The following KPNB1 variants were observed in gnomAD, a reference collection of about 807,000 sequenced individuals.
The protein encoded by KPNB1 is karyopherin subunit beta 1, also known as importin subunit beta-1.
In KPNB1, 7 loss-of-function variants were observed where a neutral mutation model predicts 113.0. The ratio of observed to expected loss-of-function variants is 0.06; its 90% confidence interval spans 0.04 to 0.12. The LOEUF is 0.12. KPNB1 is among the 10% of genes least tolerant of loss of function. KPNB1 has a pLI of 1.00. For missense variants in KPNB1, 400 were observed against 1,054.8 expected (o/e 0.38, Z 8.60); for synonymous variants, 363 against 378.6 (o/e 0.96, Z 0.48).
At chr17:47,660,272 G>T (rs867580813) in intron 5 of KPNB1, among the ~76,000 whole-genome samples, 4 of 152,216 alleles carry the variant, frequency 2.6e-5, no homozygotes, top group Middle Eastern at 3.4e-3. Flanking sequence ...TCATCTAAGG[G>T]GTAGCATTTG....
chr17:47,680,739 A>C, intron 21 of KPNB1, 70 bp downstream of exon 21: 2 of 1,484,906 alleles, frequency 1.3e-6, no homozygotes, highest in Non-Finnish European at 1.8e-6. Flanking sequence ...TCTTTAGGCC[A>C]TTCTGGCAAG....
chr17:47,680,244 G>C, intron 20 of KPNB1, 110 bp downstream of exon 20: 1 of 832,672 alleles, frequency 1.2e-6, no homozygotes, highest in Non-Finnish European at 2.0e-6. Context: ...TCACTTTTTT[G>C]GCACAGAGAT....
chr17:47,664,290 A>G, intron 8 of KPNB1, 21 bp downstream of exon 8: 1 of 1,397,526 alleles, frequency 7.2e-7, no homozygotes, highest in Non-Finnish European at 1.0e-6. Context: ...GAGAACTATT[A>G]CTCTGAATAC....
intron 5 of KPNB1, 59 bp downstream of exon 5, chr17:47,658,719 A>G: frequency 1.4e-6 from 2 of 1,472,248 alleles, no homozygotes; most frequent in Non-Finnish European, 1.8e-6. Flanking sequence ...GAGTTGAATG[A>G]AAGTTTTTTG....
At chr17:47,675,358 G>GTTGTTTTTGT (rs1179094151) in intron 15 of KPNB1, among the ~76,000 whole-genome samples, 1 of 88,812 alleles carries the variant, frequency 1.1e-5, no homozygotes, top group African/African-American at 4.3e-5. Context: ...TGGCAGAGGT[G>GTTGTTTTTGT]TTGTTTTTTT....
chr17:47,657,094 C>T, intron 4 of KPNB1, 34 bp downstream of exon 4: 4 of 1,534,084 alleles, frequency 2.6e-6, no homozygotes, highest in Non-Finnish European at 2.7e-6. Flanking sequence ...GGTTTATATA[C>T]CTCTGATTGC....
chr17:47,667,436 T>C (rs1313584628), intron 9 of KPNB1, among the ~76,000 whole-genome samples: 3 of 150,894 alleles, frequency 2.0e-5, no homozygotes, highest in African/African-American at 7.3e-5. Flanking sequence ...CTTGCCTCTT[T>C]TTTGAACTTT....
intron 21 of KPNB1, among the ~76,000 whole-genome samples, chr17:47,681,489 G>A (rs998027414): frequency 6.6e-6 from 1 of 151,514 alleles, no homozygotes; most frequent in African/African-American, 2.4e-5. Flanking sequence ...GGCCAGGCTG[G>A]TCTTGACCTC....
At chr17:47,667,071 A>C (rs968903719) in intron 9 of KPNB1, among the ~76,000 whole-genome samples, 3 of 152,060 alleles carry the variant, frequency 2.0e-5, no homozygotes, top group Non-Finnish European at 4.4e-5. Flanking sequence ...ACTTAAGAGG[A>C]GATATTAGTG....
chr17:47,679,010 C>G (rs562218491), intron 19 of KPNB1, among the ~76,000 whole-genome samples: 3 of 152,252 alleles, frequency 2.0e-5, no homozygotes, highest in South Asian at 2.1e-4. Flanking sequence ...GTCTTCACTT[C>G]CTGGGTTCAA....
chr17:47,670,396 A>T (rs1360794112), intron 11 of KPNB1: 1 of 256,916 alleles, frequency 3.9e-6, no homozygotes, highest in Non-Finnish European at 7.6e-6. Flanking sequence ...ATCAAACAGG[A>T]TGATGAGAGA....
intron 12 of KPNB1, among the ~76,000 whole-genome samples, chr17:47,672,187 G>T (rs749734666): frequency 2.3e-4 from 35 of 152,110 alleles, no homozygotes; most frequent in Non-Finnish European, 3.5e-4. Flanking sequence ...TGTATTTTTA[G>T]TAGAGATGGG....
intron 12 of KPNB1, 57 bp from the exon 13 acceptor site, chr17:47,672,961 T>C (rs997534411): frequency 2.0e-6 from 3 of 1,532,690 alleles, no homozygotes; most frequent in Admixed American, 4.1e-5. Context: ...ACATTGTCTA[T>C]GTTCTTCCCT....
intron 9 of KPNB1, among the ~76,000 whole-genome samples, chr17:47,665,593 A>G (rs901560228): frequency 6.6e-6 from 1 of 152,226 alleles, no homozygotes; most frequent in African/African-American, 2.4e-5. Flanking sequence ...AGTTATTCAG[A>G]TGCTAATGAA....
chr17:47,681,027 G>A (rs1352217148), intron 21 of KPNB1, among the ~76,000 whole-genome samples: 4 of 151,718 alleles, frequency 2.6e-5, no homozygotes, highest in Non-Finnish European at 5.9e-5. Flanking sequence ...CCTAGCTCTA[G>A]AGAAGATTTC....
rs2030616060 is a variant in KPNB1 at position 47,676,415 on chromosome 17, G to A, written c.1919G>A (p.Gly640Asp). 1.2e-6 allele frequency: 2 copies of A among 1,611,804 alleles called. No individual in the cohort carries two copies. Among genetic ancestry groups the A allele is most frequent in the Non-Finnish European group, 1.7e-6 (2 of 1,177,904 alleles). ...ATAGCTTATTTCATTACAGTGTTGG[G>A]TGGTGAATTCCTCAAGTACATGGAG... ...MAVSTLVEVL[G>D]GEFLKYMEAF... Residue 640 changes from glycine (G) to aspartate (D), a missense_variant, in exon 16 of 22, where the codon GGT becomes GAT. Gly to Asp is a moderately conservative substitution (Grantham distance 94). Coordinates refer to ENST00000290158, the MANE Select transcript of KPNB1 (RefSeq NM_002265.6).
intron 9 of KPNB1, 83 bp from the exon 10 acceptor site, chr17:47,668,103 A>G (rs751156678): frequency 4.7e-5 from 49 of 1,035,846 alleles, no homozygotes; most frequent in Admixed American, 2.8e-4. Flanking sequence ...AGTTCTAAAG[A>G]CATTCAAGAG....
At chr17:47,663,439 A>G (rs9905922) in intron 7 of KPNB1, among the ~76,000 whole-genome samples, 78,714 of 151,856 alleles carry the variant, frequency 0.52, 20,847 homozygotes, top group African/African-American at 0.61. Context: ...TGAGGTGGGC[A>G]GATCACCTGA....
intron 3 of KPNB1, among the ~76,000 whole-genome samples, chr17:47,654,648 A>C (rs1343019617): frequency 6.6e-6 from 1 of 152,178 alleles, no homozygotes; most frequent in African/African-American, 2.4e-5. Flanking sequence ...CCTCTAGTTT[A>C]AACAGAAAAC....
Sources: gnomAD v4.1 joint callset for allele counts (sites outside exome capture counted in the v4.1 genomes callset) on GRCh38, gnomAD v4.1.1 for gene constraint, MANE v1.5 for transcripts, NCBI Gene and HGNC (gene_info 2026-07-23, HGNC 2026-07-21) for gene names.